ROBO1: variants seen among roughly 807,000 people sequenced by gnomAD.
ROBO1 encodes roundabout guidance receptor 1, also known as roundabout homolog 1.
ROBO1 carries 149 observed loss-of-function variants against 195.9 expected under a neutral mutation model. That is an observed-to-expected ratio of 0.76 (90% confidence interval 0.67 to 0.87). ROBO1 has a LOEUF of 0.87. Ranked by LOEUF, ROBO1 falls within the 40% of genes least tolerant of loss-of-function variation. ROBO1 has a pLI of 0.00. For missense variants in ROBO1, 1,933 were observed against 2,068.3 expected (o/e 0.93, Z 1.27); for synonymous variants, 816 against 733.2 (o/e 1.11, Z -1.82).
intron 3 of ROBO1, among the ~76,000 whole-genome samples, chr3:79,057,362 G>C (rs1194692780): frequency 6.6e-6 from 1 of 152,022 alleles, no homozygotes; most frequent in East Asian, 1.9e-4. Context: ...TCAATCCCCT[G>C]TCTGGGTGCC....
intron 2 of ROBO1, among the ~76,000 whole-genome samples, chr3:79,546,328 T>G (rs1942263085): frequency 6.6e-6 from 1 of 152,030 alleles, no homozygotes; most frequent in Non-Finnish European, 1.5e-5. Flanking sequence ...TTCTGGGGAG[T>G]CAAATGTTAT....
At chr3:79,222,900 G>C (rs2082165563) in intron 2 of ROBO1, among the ~76,000 whole-genome samples, 1 of 152,064 alleles carries the variant, frequency 6.6e-6, no homozygotes, top group Non-Finnish European at 1.5e-5. Context: ...GATTTTCTAA[G>C]CCTTAAGCTC....
At position 79,705,093 on chromosome 3, in the gene ROBO1, G is replaced by T. The variant is rs1947728577; in HGVS notation, c.-51+62659C>A. On this transcript the variant is annotated intron_variant, in intron 1 of 30. Transcript: ENST00000464233. ...ATATTTAAGACAATAATCCTTTTCA[G>T]ATTTTTTTTGGCAACTATTTTCTTC... 2.6e-5 allele frequency among the ~76,000 whole-genome samples: 4 copies of T among 151,918 alleles called. No homozygotes were observed. The South Asian group carries it at 8.3e-4, about 32-fold the overall frequency.
At position 78,774,467 on chromosome 3, in the gene ROBO1, C is replaced by T. The variant is rs568688992; in HGVS notation, c.500-27567G>A. On this transcript the variant is annotated intron_variant, in intron 4 of 30. Transcript: ENST00000464233. ...CTGGGACTACAGGCGCCTGCCACCA[C>T]GCCCAGCTAATTTTTTGTATTTTTA... 2.8e-4 allele frequency among the ~76,000 whole-genome samples: 43 copies of T among 152,144 alleles called. No individual in the cohort carries two copies. In the East Asian group the frequency reaches 7.2e-3, roughly 25 times the overall value.
intron 2 of ROBO1, among the ~76,000 whole-genome samples, chr3:79,484,008 C>T (rs1939012063): frequency 6.6e-6 from 1 of 152,142 alleles, no homozygotes; most frequent in African/African-American, 2.4e-5. Flanking sequence ...GACCTAACTG[C>T]TTTCAAGGAC....
At chr3:79,142,972 T>C (rs181045033) in intron 2 of ROBO1, among the ~76,000 whole-genome samples, 5 of 152,266 alleles carry the variant, frequency 3.3e-5, no homozygotes, top group African/African-American at 4.8e-5. Flanking sequence ...TCTGCAACAT[T>C]TGGCATTTGA....
intron 2 of ROBO1, among the ~76,000 whole-genome samples, chr3:79,398,273 T>C (rs2037226829): frequency 6.6e-6 from 1 of 152,134 alleles, no homozygotes; most frequent in Non-Finnish European, 1.5e-5. Context: ...AATATATACA[T>C]ACTAATATGT....
intron 4 of ROBO1, among the ~76,000 whole-genome samples, chr3:78,918,894 A>C (rs923423276): frequency 3.9e-5 from 6 of 152,188 alleles, no homozygotes; most frequent in Non-Finnish European, 8.8e-5. Flanking sequence ...AATTGTCCTA[A>C]TCTAGGTAAC....
chr3:79,298,314 C>T lies in ROBO1; in HGVS notation c.89-172775G>A, dbSNP rs1004063737. Among the ~76,000 whole-genome samples, 10 of 151,996 alleles carry T rather than the reference C, an allele frequency of 6.6e-5. No homozygotes were observed. The East Asian group carries it at 1.2e-3, about 18-fold the overall frequency. Reference sequence around the variant, plus strand: ...TACGTTTCTCTCCTCCTCCACGTAGCTCATTGTACACTCTTTACTGCATTT... The same window carrying T: ...TACGTTTCTCTCCTCCTCCACGTAGTTCATTGTACACTCTTTACTGCATTT... On this transcript the variant is annotated intron_variant, in intron 2 of 30. Coordinates refer to ENST00000464233, the MANE Select transcript of ROBO1 (RefSeq NM_002941.4).
At chr3:78,632,194 C>T (rs1264621696) in intron 24 of ROBO1, among the ~76,000 whole-genome samples, 1 of 152,062 alleles carries the variant, frequency 6.6e-6, no homozygotes, top group Non-Finnish European at 1.5e-5. Context: ...ATTATGTTGG[C>T]CTTAGTTTTT....
chr3:79,286,293 T>C (rs2031878732), intron 2 of ROBO1, among the ~76,000 whole-genome samples: 1 of 152,160 alleles, frequency 6.6e-6, no homozygotes, highest in African/African-American at 2.4e-5. Flanking sequence ...TTTGCAAAAA[T>C]TGATGTTACA....
At chr3:79,092,428 T>C (rs1982502) in intron 3 of ROBO1, among the ~76,000 whole-genome samples, 151,616 of 152,244 alleles carry the variant, frequency 1, 75,498 homozygotes, top group Middle Eastern at 1. Flanking sequence ...TACTGGTCTG[T>C]GTTTAAGTGA....
intron 1 of ROBO1, among the ~76,000 whole-genome samples, chr3:79,701,234 G>A (rs1947614019): frequency 6.6e-6 from 1 of 151,850 alleles, no homozygotes; most frequent in Middle Eastern, 3.4e-3. Context: ...TGGCCTTATA[G>A]TGTAGTCTGA....
intron 4 of ROBO1, among the ~76,000 whole-genome samples, chr3:78,854,170 T>C: frequency 6.6e-6 from 1 of 151,602 alleles, no homozygotes; most frequent in East Asian, 1.9e-4. Flanking sequence ...GCATGCCCTG[T>C]AAATTTCAGT....
chr3:78,981,098 A>G (rs1048422156), intron 3 of ROBO1, among the ~76,000 whole-genome samples: 26 of 152,282 alleles, frequency 1.7e-4, no homozygotes, highest in African/African-American at 5.8e-4. Context: ...TGGAGCATAA[A>G]ATGTTTAAAA....
intron 4 of ROBO1, among the ~76,000 whole-genome samples, chr3:78,919,499 C>A (rs772378009): frequency 6.6e-6 from 1 of 152,148 alleles, no homozygotes; most frequent in East Asian, 1.9e-4. Flanking sequence ...TGTGCTAACA[C>A]GGTAAGCCAA....
chr3:79,528,620 G>A (rs1317795607), intron 2 of ROBO1, among the ~76,000 whole-genome samples: 1 of 152,062 alleles, frequency 6.6e-6, no homozygotes, highest in Non-Finnish European at 1.5e-5. Flanking sequence ...GTGCAATATT[G>A]GAACCATGTC....
At chr3:79,336,837 G>C (rs2034691632) in intron 2 of ROBO1, among the ~76,000 whole-genome samples, 1 of 152,236 alleles carries the variant, frequency 6.6e-6, no homozygotes, top group South Asian at 2.1e-4. Context: ...CAAAGCCACA[G>C]AGTGGAGCTG....
chr3:79,157,212 T>C (rs2080874831), intron 2 of ROBO1, among the ~76,000 whole-genome samples: 1 of 151,902 alleles, frequency 6.6e-6, no homozygotes, highest in Non-Finnish European at 1.5e-5. Flanking sequence ...TTCCCTGGAC[T>C]TTCTCTGCAA....
Sources: allele counts gnomAD v4.1 joint callset (sites outside exome capture counted in the v4.1 genomes callset), GRCh38; gene constraint gnomAD v4.1.1; transcripts MANE v1.5; gene names NCBI Gene and HGNC (gene_info 2026-07-23, HGNC 2026-07-21).